DDB1: variants seen among roughly 807,000 people sequenced by gnomAD.
DDB1 encodes the protein DNA damage-binding protein 1.
A neutral mutation model predicts 133.1 loss-of-function variants in DDB1; 18 were observed. That is an observed-to-expected ratio of 0.14 (90% CI 0.09 to 0.20). DDB1 has a LOEUF of 0.20. Ranked by LOEUF, DDB1 falls within the 10% of genes least tolerant of loss-of-function variation. DDB1 has a pLI of 1.00. For synonymous variants in DDB1, 580 were observed against 550.5 expected, an observed-to-expected ratio of 1.05 and a Z score of -0.75; for missense variants, 828 against 1,459.2, an observed-to-expected ratio of 0.57 and a Z score of 7.05.
chr11:61,309,804 T>C lies in DDB1; in HGVS notation c.2558A>G (p.Tyr853Cys). The change falls in exon 20 of 27, where the codon TAT (tyrosine) becomes TGT (cysteine). Residue 853 changes from tyrosine (Y) to cysteine (C), a missense_variant. Physicochemically the swap from Tyr to Cys is radical, Grantham distance 194. Coordinates refer to ENST00000301764, the MANE Select transcript of DDB1 (RefSeq NM_001923.5). ...AGACTGCGCCCACTTACCATCCGAATACTGAAAGACCACAATGCGACCCTG... is the reference window on the plus strand; with the variant it reads ...AGACTGCGCCCACTTACCATCCGAACACTGAAAGACCACAATGCGACCCTG... ...PKQGRIVVFQ[Y>C]SDGKLQTVAE... The C allele has an allele frequency of 1.2e-6, 2 of 1,612,882 alleles. No individual in the cohort carries two copies. The highest frequency in any genetic ancestry group is 1.7e-6 in the Non-Finnish European group (2 of 1,179,390).
chr11:61,321,703 A>G lies in DDB1; in HGVS notation c.1123-6T>C, dbSNP rs1856183484. 3 of 1,614,058 alleles carry G rather than the reference A, an allele frequency of 1.9e-6. No homozygotes were observed. The highest frequency in any genetic ancestry group is 2.5e-6 in the Non-Finnish European group (3 of 1,179,886). ...GCCCCAGAGCAAGTGACCAGCTGCA[A>G]GCAGAGAAAACGTTTCTAAAGAACC... On this transcript the variant is annotated splice_region_variant and splice_polypyrimidine_tract_variant and intron_variant, in intron 9 of 26. Coordinates refer to ENST00000301764, the MANE Select transcript of DDB1 (RefSeq NM_001923.5).
chr11:61,326,750 G>T (rs1200674513), intron 5 of DDB1, 29 bp downstream of exon 5: 3 of 1,571,660 alleles, frequency 1.9e-6, no homozygotes, highest in Non-Finnish European at 2.6e-6. Context: ...GACCCAGGTG[G>T]AGGCACATTT....
In DDB1 at chr11:61,313,916, G is replaced by T; in HGVS notation, c.1807C>A (p.Leu603Ile). 6.2e-7 allele frequency: 1 copy of T among 1,614,152 alleles called. No homozygotes were observed. Among genetic ancestry groups the T allele is most frequent in the Non-Finnish European group, 8.5e-7 (1 of 1,180,032 alleles). ...AGCGCTCCATCTCCCAAGGCACAAA[G>T]GAGGTAATGGCTACTCTCAAAGGTG... ...MTTFESSHYL[L>I]CALGDGALFY... Residue 603 changes from leucine (L) to isoleucine (I), a missense_variant, in exon 15 of 27, where the codon CTT (leucine) becomes ATT (isoleucine). Leu to Ile is a conservative substitution (Grantham distance 5). Transcript: ENST00000301764.
chr11:61,312,191 G>C (rs959453239), intron 16 of DDB1, 107 bp from the exon 17 acceptor site: 14 of 914,660 alleles, frequency 1.5e-5, no homozygotes, highest in Non-Finnish European at 2.5e-5. Context: ...CACCAGCTTT[G>C]ACTCCATGCT....
Position 61,316,976 on chromosome 11 carries a change from T to TATATATATAC in DDB1, c.1226-410_1226-409insGTATATATAT, listed in dbSNP as rs1554961187. ...ATATATATATATATATATATATATA[T>TATATATATAC]ATATATATATATATATATATATAGA... On this transcript the variant is annotated intron_variant, in intron 10 of 26. Coordinates refer to ENST00000301764, the MANE Select transcript of DDB1 (RefSeq NM_001923.5). Among the ~76,000 whole-genome samples, 56 of 56,598 alleles carry TATATATATAC rather than the reference T, an allele frequency of 9.9e-4. 2 individuals are homozygous for TATATATATAC. The highest frequency in any genetic ancestry group is 1.8e-3 in the Non-Finnish European group (48 of 26,380). The allele number at this position is 56,598 out of a possible 152,430, so 37.1% of individuals were successfully genotyped here.
At chr11:61,331,718 G>T in intron 1 of DDB1, 27 bp from the exon 2 acceptor site, 1 of 1,612,406 alleles carries the variant, frequency 6.2e-7, no homozygotes. Flanking sequence ...TCTAACTTTT[G>T]AACTCAGGGG....
chr11:61,305,526 A>G (rs562618057), intron 21 of DDB1, among the ~76,000 whole-genome samples: 84 of 152,244 alleles, frequency 5.5e-4, no homozygotes, highest in African/African-American at 2.0e-3. Flanking sequence ...ACATACATAC[A>G]TACTATGGTT....
chr11:61,300,989 C>T (rs1855783327), intron 25 of DDB1, 57 bp from the exon 26 acceptor site: 2 of 1,605,566 alleles, frequency 1.2e-6, no homozygotes, highest in African/African-American at 2.7e-5. Context: ...CTCAGTCATC[C>T]CCACCTTTGA....
At chr11:61,319,974 T>C (rs982586152) in intron 10 of DDB1, among the ~76,000 whole-genome samples, 7 of 151,690 alleles carry the variant, frequency 4.6e-5, no homozygotes, top group Non-Finnish European at 7.3e-5. Flanking sequence ...TTGTTAAATG[T>C]ACTCCTTGGT....
intron 10 of DDB1, among the ~76,000 whole-genome samples, chr11:61,318,549 T>A (rs571422596): frequency 4.6e-5 from 7 of 152,278 alleles, no homozygotes; most frequent in African/African-American, 1.7e-4. Context: ...CTTTGCTAGT[T>A]TGGGGACAGA....
At chr11:61,309,234 C>T (rs891251807) in intron 20 of DDB1, among the ~76,000 whole-genome samples, 157 bp from the exon 21 acceptor site, 2 of 152,072 alleles carry the variant, frequency 1.3e-5, no homozygotes, top group African/African-American at 4.8e-5. Context: ...TTAATGACCA[C>T]GTGAAGTATG....
In DDB1 at chr11:61,310,046, T is replaced by C. The variant is rs1236255949; in HGVS notation, c.2402-86A>G. 5.7e-6 allele frequency: 9 copies of C among 1,571,452 alleles called. No individual in the cohort carries two copies. In the East Asian group the frequency reaches 2.0e-4, roughly 35 times the overall value. On this transcript the variant is annotated intron_variant, in intron 19 of 26. Transcript: ENST00000301764. Reference sequence around the variant, plus strand: ...CCCCGTATTTCTGAGGCCTGTGGCTTAGGCAGTGACAAAGCGTGTACCACC... The same window carrying C: ...CCCCGTATTTCTGAGGCCTGTGGCTCAGGCAGTGACAAAGCGTGTACCACC...
rs1855758480 is a variant in DDB1, at chr11:61,299,599, C to A, written c.*537G>T. 1 of 153,532 alleles carries A rather than the reference C, an allele frequency of 6.5e-6. No individual in the cohort carries two copies. Among genetic ancestry groups the A allele is most frequent in the Non-Finnish European group, 1.5e-5 (1 of 68,938 alleles). The allele number at this position is 153,532 out of a possible 1,614,324, so 9.5% of individuals were successfully genotyped here. A position where few individuals can be genotyped will look rare whatever the true frequency, so the allele number is the denominator to read the frequency against. ...ACCATCTCCAGGTTTTACACCCAGG[C>A]TACCCATGGCTTGGCAGTCAGGCCT... On this transcript the variant is annotated 3_prime_UTR_variant, in exon 27 of 27. Coordinates refer to ENST00000301764, the MANE Select transcript of DDB1 (RefSeq NM_001923.5).
chr11:61,303,238 C>T (rs1169141353), intron 22 of DDB1, 83 bp from the exon 23 acceptor site: 1 of 1,262,180 alleles, frequency 7.9e-7, no homozygotes, highest in Non-Finnish European at 1.2e-6. Flanking sequence ...TTCCTTTATT[C>T]AGGAGCAAGG....
chr11:61,317,787 G>A (rs1234346215), intron 10 of DDB1, among the ~76,000 whole-genome samples: 1 of 152,224 alleles, frequency 6.6e-6, no homozygotes, highest in Non-Finnish European at 1.5e-5. Flanking sequence ...TTACAGGTGT[G>A]AGCCACTGTA....
chr11:61,316,950 T>C (rs1275987854), intron 10 of DDB1, among the ~76,000 whole-genome samples: 9 of 5,196 alleles, frequency 1.7e-3, no homozygotes, highest in Non-Finnish European at 3.0e-3. Flanking sequence ...AGGATAGATA[T>C]ATATATATAT....
rs773299405 is a variant in DDB1, at chr11:61,326,783, G to A, written c.660C>T (p.Ile220=). The A allele has an allele frequency of 2.0e-5, 33 of 1,613,776 alleles. No homozygotes were observed. The highest frequency in any genetic ancestry group is 3.3e-5 in the Admixed American group (2 of 59,988). Residue 220 remains isoleucine, a synonymous_variant, in exon 5 of 27, where the codon ATC becomes ATT. Coordinates refer to ENST00000301764, the MANE Select transcript of DDB1 (RefSeq NM_001923.5). The part of the protein sequence containing the change: ...ENVEAEASMV[I]AVPEPFGGAI... ...TTTCCTAAACCCCCTACCAACCTGC[G>A]ATCACCATGGAAGCTTCAGCTTCGA...
rs1856281439 is a variant in DDB1 at position 61,327,049 on chromosome 11, C to T, written c.550-156G>A. The T allele has an allele frequency of 8.0e-6, 5 of 626,344 alleles. No homozygotes were observed. In the East Asian group the frequency reaches 1.3e-4, roughly 17 times the overall value. 38.8% of individuals were successfully genotyped at this position (626,344 alleles called of 1,614,324 possible). On this transcript the variant is annotated intron_variant, in intron 4 of 26. Coordinates refer to ENST00000301764, the MANE Select transcript of DDB1 (RefSeq NM_001923.5). Reference sequence around the variant, plus strand: ...CCATCACTATACTGACAAGCACTAGCTGAGCCTGGGATGAATTCCTAGGTA... The same window carrying T: ...CCATCACTATACTGACAAGCACTAGTTGAGCCTGGGATGAATTCCTAGGTA...
intron 21 of DDB1, among the ~76,000 whole-genome samples, chr11:61,308,421 C>G (rs142267775): frequency 2.6e-5 from 4 of 152,348 alleles, no homozygotes; most frequent in African/African-American, 9.6e-5. Flanking sequence ...CAGTCCTGCA[C>G]CCCTTTTACT....
Sources: gnomAD v4.1 joint callset for allele counts (sites outside exome capture counted in the v4.1 genomes callset) on GRCh38, gnomAD v4.1.1 for gene constraint, MANE v1.5 for transcripts, NCBI Gene and HGNC (gene_info 2026-07-23, HGNC 2026-07-21) for gene names.